GNAI1: variants seen among roughly 807,000 people sequenced by gnomAD.
The protein encoded by GNAI1 is guanine nucleotide-binding protein G(i) subunit alpha-1.
In GNAI1, 11 loss-of-function variants were observed where a neutral mutation model predicts 38.9. The ratio of observed to expected loss-of-function variants is 0.28; its 90% CI spans 0.18 to 0.47. The LOEUF is 0.47. Among genes scored for constraint, GNAI1 ranks in the 20% least tolerant of loss-of-function variants. GNAI1 has a pLI of 0.99. For missense variants in GNAI1, 317 were observed against 436.9 expected (o/e 0.73, Z 2.45); for synonymous variants, 166 against 145.1 (o/e 1.14, Z -1.04).
chr7:80,157,986 G>C (rs1414988833), intron 1 of GNAI1, among the ~76,000 whole-genome samples: 1 of 152,148 alleles, frequency 6.6e-6, no homozygotes, highest in Admixed American at 6.5e-5. Flanking sequence ...TGGGATTACA[G>C]GCATAAGCCA....
intron 1 of GNAI1, among the ~76,000 whole-genome samples, chr7:80,176,299 C>G (rs1788181032): frequency 6.6e-6 from 1 of 152,162 alleles, no homozygotes; most frequent in South Asian, 2.1e-4. Flanking sequence ...GAGGAAGCTG[C>G]AGGTTCAGGA....
At chr7:80,170,891 G>A (rs1450760948) in intron 1 of GNAI1, among the ~76,000 whole-genome samples, 1 of 152,104 alleles carries the variant, frequency 6.6e-6, no homozygotes, top group African/African-American at 2.4e-5. Context: ...ATGGATCAAA[G>A]GGACATAGTG....
chr7:80,214,355 A>T (rs1788926119), intron 7 of GNAI1, among the ~76,000 whole-genome samples: 1 of 152,100 alleles, frequency 6.6e-6, no homozygotes, highest in Non-Finnish European at 1.5e-5. Context: ...TATATTTTTC[A>T]GTTTATTTTT....
chr7:80,176,896 C>T (rs1309437231), intron 1 of GNAI1, among the ~76,000 whole-genome samples: 3 of 143,022 alleles, frequency 2.1e-5, no homozygotes, highest in African/African-American at 7.8e-5. Flanking sequence ...GAGATCACGC[C>T]ACCGCACTCT....
At chr7:80,141,523 C>T (rs1787525479) in intron 1 of GNAI1, among the ~76,000 whole-genome samples, 3 of 152,142 alleles carry the variant, frequency 2.0e-5, no homozygotes, top group Admixed American at 2.0e-4. Flanking sequence ...GTTTCAAGGA[C>T]TGGGGATAGT....
At chr7:80,152,392 A>C (rs1012387866) in intron 1 of GNAI1, among the ~76,000 whole-genome samples, 2 of 152,198 alleles carry the variant, frequency 1.3e-5, no homozygotes, top group African/African-American at 2.4e-5. Flanking sequence ...AATAACTACA[A>C]CACCATTATT....
intron 1 of GNAI1, among the ~76,000 whole-genome samples, chr7:80,177,033 T>TC (rs1788194739): frequency 7.3e-6 from 1 of 137,422 alleles, no homozygotes; most frequent in Non-Finnish European, 1.6e-5. Context: ...TCTTTTTTTT[T>TC]TTTTTTTTTT....
chr7:80,148,148 A>C (rs1787660413), intron 1 of GNAI1, among the ~76,000 whole-genome samples: 1 of 152,192 alleles, frequency 6.6e-6, no homozygotes, highest in African/African-American at 2.4e-5. Flanking sequence ...TTTATAGGTC[A>C]GGTTGAGTTT....
chr7:80,152,756 G>T (rs1787750441), intron 1 of GNAI1, among the ~76,000 whole-genome samples: 1 of 151,472 alleles, frequency 6.6e-6, no homozygotes, highest in South Asian at 2.1e-4. Flanking sequence ...GTAGAGATGG[G>T]GTTTCACTGT....
At chr7:80,151,074 C>T (rs894985521) in intron 1 of GNAI1, among the ~76,000 whole-genome samples, 1 of 152,074 alleles carries the variant, frequency 6.6e-6, no homozygotes, top group Non-Finnish European at 1.5e-5. Context: ...TTGGCTTCCA[C>T]CCTGCATTTC....
intron 3 of GNAI1, among the ~76,000 whole-genome samples, chr7:80,190,557 A>G (rs1384675089): frequency 6.6e-6 from 1 of 152,172 alleles, no homozygotes; most frequent in African/African-American, 2.4e-5. Flanking sequence ...TATTATTGAA[A>G]ATAATGTTGA....
intron 1 of GNAI1, among the ~76,000 whole-genome samples, chr7:80,147,535 C>A (rs1317560740): frequency 1.3e-5 from 2 of 152,158 alleles, no homozygotes; most frequent in Admixed American, 6.6e-5. Flanking sequence ...GTTTAAGCCA[C>A]CCAGTATAGT....
intron 1 of GNAI1, among the ~76,000 whole-genome samples, chr7:80,155,118 A>G (rs1468549882): frequency 6.6e-6 from 1 of 152,202 alleles, no homozygotes; most frequent in Non-Finnish European, 1.5e-5. Context: ...TGATTTTTCA[A>G]GATTACTGAC....
chr7:80,185,588 C>G (rs944958996), intron 1 of GNAI1, among the ~76,000 whole-genome samples: 1 of 152,150 alleles, frequency 6.6e-6, no homozygotes, highest in Non-Finnish European at 1.5e-5. Flanking sequence ...ACTCCTCAGG[C>G]AGATAGATTT....
intron 1 of GNAI1, among the ~76,000 whole-genome samples, chr7:80,178,399 A>G (rs981939965): frequency 1.3e-5 from 2 of 152,204 alleles, no homozygotes; most frequent in African/African-American, 4.8e-5. Context: ...CTCAAAGAGC[A>G]TCACATGCTG....
At chr7:80,163,453 A>G (rs1159881869) in intron 1 of GNAI1, among the ~76,000 whole-genome samples, 4 of 152,192 alleles carry the variant, frequency 2.6e-5, no homozygotes, top group African/African-American at 9.7e-5. Context: ...GTGTTTAGCG[A>G]ACTCTTCACT....
intron 1 of GNAI1, among the ~76,000 whole-genome samples, chr7:80,145,897 G>T (rs1040340015): frequency 6.6e-6 from 1 of 152,056 alleles, no homozygotes. Context: ...TTCCCAGGCA[G>T]CCCTTTCCTG....
At chr7:80,171,641 A>G (rs896999939) in intron 1 of GNAI1, among the ~76,000 whole-genome samples, 2 of 152,224 alleles carry the variant, frequency 1.3e-5, no homozygotes, top group African/African-American at 2.4e-5. Flanking sequence ...CTATTGACAG[A>G]TGATGTACTT....
intron 1 of GNAI1, among the ~76,000 whole-genome samples, chr7:80,166,782 A>G (rs1194939744): frequency 6.6e-6 from 1 of 152,222 alleles, no homozygotes; most frequent in African/African-American, 2.4e-5. Context: ...AATGTTACAA[A>G]TGAATCTTCT....
Sources: allele counts gnomAD v4.1 joint callset (sites outside exome capture counted in the v4.1 genomes callset), GRCh38; gene constraint gnomAD v4.1.1; transcripts MANE v1.5; gene names NCBI Gene and HGNC (gene_info 2026-07-23, HGNC 2026-07-21).